The following FBXO4 variants were observed in gnomAD, a reference collection of about 807,000 sequenced individuals.
FBXO4 encodes F-box only protein 4.
FBXO4 carries 36 observed loss-of-function variants against 43.7 expected under a neutral mutation model. The observed-to-expected ratio is 0.82, with a 90% confidence interval of 0.63 to 1.09. The LOEUF is 1.09. FBXO4 is among the 50% of genes least tolerant of loss of function. The pLI is 0.00. For synonymous variants in FBXO4, 180 were observed against 165.6 expected, an observed-to-expected ratio of 1.09 and a Z score of -0.67; for missense variants, 435 against 474.1, an observed-to-expected ratio of 0.92 and a Z score of 0.77.
chr5:41,939,727 T>C lies in FBXO4; in HGVS notation c.1074+111T>C, dbSNP rs971575361. The C allele has an allele frequency of 1.4e-5, 12 of 837,282 alleles. No individual in the cohort carries two copies. The African/African-American group carries it at 1.5e-4, about 11-fold the overall frequency. 51.9% of individuals were successfully genotyped at this position (837,282 alleles called of 1,614,324 possible). On this transcript the variant is annotated intron_variant, in intron 6 of 6. Transcript: ENST00000281623. ...AATGAAATGGCATTCTAAAGTCAATTTTAATAGCTTAATCTATGGAAGCTA... is the reference window on the plus strand; with the variant it reads ...AATGAAATGGCATTCTAAAGTCAATCTTAATAGCTTAATCTATGGAAGCTA...
At chr5:41,977,895 G>C in the FBXO4 span, among the ~76,000 whole-genome samples, 13 of 152,056 alleles carry the variant, frequency 8.5e-5, no homozygotes, top group African/African-American at 2.9e-4. Flanking sequence ...ACATTTTCTG[G>C]TATCTTTATA....
chr5:41,957,328 ATT>A, the FBXO4 span, among the ~76,000 whole-genome samples: 1 of 150,894 alleles, frequency 6.6e-6, no homozygotes, highest in Non-Finnish European at 1.5e-5. Flanking sequence ...AGTCTGAATA[ATT>A]TATGTTTTCT....
the FBXO4 span, among the ~76,000 whole-genome samples, chr5:41,991,467 C>G: frequency 0.042 from 6,408 of 152,280 alleles, 196 homozygotes; most frequent in South Asian, 0.063. Flanking sequence ...TAACTTACCC[C>G]ACATACATTC....
chr5:42,000,664 A>T, the FBXO4 span, among the ~76,000 whole-genome samples: 2 of 152,246 alleles, frequency 1.3e-5, no homozygotes, highest in East Asian at 3.9e-4. Context: ...GCCAAGACCA[A>T]CGACAAAAAA....
At chr5:41,997,228 T>C in the FBXO4 span, among the ~76,000 whole-genome samples, 27 of 152,238 alleles carry the variant, frequency 1.8e-4, no homozygotes, top group African/African-American at 5.1e-4. Context: ...GCAGCTGCAA[T>C]TGGAGTCACC....
At chr5:41,958,412 C>T in the FBXO4 span, among the ~76,000 whole-genome samples, 1 of 152,168 alleles carries the variant, frequency 6.6e-6, no homozygotes, top group Non-Finnish European at 1.5e-5. Context: ...GGATTATAGG[C>T]GTGAGCAGCC....
the FBXO4 span, among the ~76,000 whole-genome samples, chr5:42,038,504 T>C: frequency 6.6e-6 from 1 of 152,146 alleles, no homozygotes; most frequent in African/African-American, 2.4e-5. Flanking sequence ...TAGTTGTATA[T>C]GTTTATGGTG....
the FBXO4 span, among the ~76,000 whole-genome samples, chr5:42,029,738 T>C: frequency 6.6e-6 from 1 of 152,116 alleles, no homozygotes; most frequent in Admixed American, 6.6e-5. Flanking sequence ...TGCTATTAAA[T>C]GACTCTGATA....
the FBXO4 span, among the ~76,000 whole-genome samples, chr5:41,970,056 A>G: frequency 1.3e-5 from 2 of 152,242 alleles, no homozygotes; most frequent in African/African-American, 2.4e-5. Context: ...TGTTATATAT[A>G]GGCATTTTAC....
chr5:41,969,857 A>ATGTGTG, the FBXO4 span, among the ~76,000 whole-genome samples: 4 of 152,032 alleles, frequency 2.6e-5, no homozygotes, highest in African/African-American at 9.7e-5. Flanking sequence ...AAACAAAACA[A>ATGTGTG]TGTGTGTGTG....
the FBXO4 span, among the ~76,000 whole-genome samples, chr5:42,008,119 G>T: frequency 6.6e-6 from 1 of 152,266 alleles, no homozygotes; most frequent in Admixed American, 6.6e-5. Context: ...TCCAGAGAAA[G>T]TTGAGTCTAC....
the FBXO4 span, among the ~76,000 whole-genome samples, chr5:42,017,245 A>G: frequency 1.3e-5 from 2 of 152,190 alleles, no homozygotes; most frequent in African/African-American, 2.4e-5. Context: ...GCAAGAAAGA[A>G]AAAACTTAAA....
At chr5:41,977,308 T>A in the FBXO4 span, among the ~76,000 whole-genome samples, 3 of 152,218 alleles carry the variant, frequency 2.0e-5, no homozygotes, top group African/African-American at 4.8e-5. Context: ...AAATGCTTTT[T>A]TTTCTCTGCC....
the FBXO4 span, among the ~76,000 whole-genome samples, chr5:42,001,395 C>A: frequency 3.0e-3 from 464 of 152,228 alleles, 3 homozygotes; most frequent in Non-Finnish European, 4.6e-3. Flanking sequence ...ATGCGCAGCT[C>A]ATTTTGTTGT....
chr5:41,947,149 C>T, the FBXO4 span, among the ~76,000 whole-genome samples: 1 of 152,112 alleles, frequency 6.6e-6, no homozygotes, highest in African/African-American at 2.4e-5. Flanking sequence ...GGGATATTTC[C>T]TCCTTAGAGA....
the FBXO4 span, among the ~76,000 whole-genome samples, chr5:41,959,616 T>C: frequency 2.0e-5 from 3 of 152,128 alleles, no homozygotes; most frequent in African/African-American, 4.8e-5. Context: ...TCAGTCTTTA[T>C]TGAAGAAACT....
chr5:42,009,134 C>A, the FBXO4 span, among the ~76,000 whole-genome samples: 1 of 152,022 alleles, frequency 6.6e-6, no homozygotes, highest in African/African-American at 2.4e-5. Context: ...AGGGCAGGTG[C>A]TGTGCAGTTA....
At chr5:41,944,831 A>G (rs1293196050), downstream of FBXO4, among the ~76,000 whole-genome samples, 1 of 152,220 alleles carries the variant, frequency 6.6e-6, no homozygotes, top group Non-Finnish European at 1.5e-5. Flanking sequence ...GCAATGGCAC[A>G]TAAGTTGATG....
chr5:41,949,713 A>C, the FBXO4 span, among the ~76,000 whole-genome samples: 4 of 152,228 alleles, frequency 2.6e-5, no homozygotes, highest in East Asian at 7.7e-4. Flanking sequence ...GGAAAAAACT[A>C]CTTTAAAGTT....
Sources: gnomAD v4.1 joint callset for allele counts (sites outside exome capture counted in the v4.1 genomes callset) on GRCh38, gnomAD v4.1.1 for gene constraint, MANE v1.5 for transcripts, NCBI Gene and HGNC (gene_info 2026-07-23, HGNC 2026-07-21) for gene names.